The following EDIL3 variants were observed in gnomAD, a reference collection of about 807,000 sequenced individuals.
EDIL3 encodes the protein EGF like and discoidin domains 3, also known as EGF-like repeat and discoidin I-like domain-containing protein 3.
EDIL3 carries 37 observed loss-of-function variants against 67.4 expected under a neutral mutation model. That is an observed-to-expected ratio of 0.55 (90% confidence interval 0.42 to 0.72). EDIL3 has a LOEUF of 0.72. Among genes scored for constraint, EDIL3 ranks in the 30% least tolerant of loss-of-function variants. The pLI, the probability that EDIL3 is intolerant of heterozygous loss-of-function variation, is 0.00. For synonymous variants in EDIL3, 195 were observed against 196.3 expected (o/e 0.99, Z 0.05); for missense variants, 527 against 586.3 (o/e 0.90, Z 1.04).
intron 6 of EDIL3, among the ~76,000 whole-genome samples, chr5:84,092,860 A>C (rs542799199): frequency 7.2e-5 from 11 of 152,304 alleles, no homozygotes; most frequent in Non-Finnish European, 1.5e-4. Flanking sequence ...AAGTTTTACA[A>C]GGTTTAACTG....
At chr5:84,196,311 GC>G (rs1743701869) in intron 3 of EDIL3, among the ~76,000 whole-genome samples, 1 of 151,946 alleles carries the variant, frequency 6.6e-6, no homozygotes, top group East Asian at 1.9e-4. Flanking sequence ...TCCCTGAGAT[GC>G]TCTTCCTCTA....
At chr5:84,342,045 A>G (rs917788395) in intron 1 of EDIL3, among the ~76,000 whole-genome samples, 1 of 152,090 alleles carries the variant, frequency 6.6e-6, no homozygotes, top group African/African-American at 2.4e-5. Flanking sequence ...ATATTTAAAA[A>G]GACACCTACA....
rs115600754 is a variant in EDIL3 at position 84,024,589 on chromosome 5, G to A, written c.1137+35711C>T. On this transcript the variant is annotated intron_variant, in intron 9 of 10. Coordinates refer to ENST00000296591, the MANE Select transcript of EDIL3 (RefSeq NM_005711.5). ...AGGCAGCGTGGTAAAAGCTGGAGTA[G>A]GGAGAAAGGGCACTGACAAGGAATC... 7.3e-3 allele frequency among the ~76,000 whole-genome samples: 1,105 copies of A among 152,228 alleles called. 16 individuals carry two copies. The highest frequency in any genetic ancestry group is 0.026 in the African/African-American group (1,062 of 41,556).
chr5:84,083,466 AG>A (rs1747013968), intron 6 of EDIL3, among the ~76,000 whole-genome samples: 1 of 152,156 alleles, frequency 6.6e-6, no homozygotes, highest in Non-Finnish European at 1.5e-5. Flanking sequence ...GAACAATAAA[AG>A]TTTTGTTTCT....
At chr5:83,951,696 A>G (rs897457144) in intron 10 of EDIL3, among the ~76,000 whole-genome samples, 1 of 151,754 alleles carries the variant, frequency 6.6e-6, no homozygotes, top group African/African-American at 2.4e-5. Context: ...TCATTGGGAA[A>G]GAGAACTGTG....
intron 9 of EDIL3, among the ~76,000 whole-genome samples, chr5:84,058,661 T>C (rs141152991): frequency 1.1e-3 from 169 of 152,168 alleles, no homozygotes; most frequent in African/African-American, 3.9e-3. Context: ...GGAAAGGACA[T>C]TGGGAAACAT....
rs1383279719 is a variant in EDIL3, at chr5:84,053,854, T to C, written c.1137+6446A>G. 3.3e-5 allele frequency among the ~76,000 whole-genome samples: 5 copies of C among 152,130 alleles called. 1 individual carries two copies. The South Asian group carries it at 6.2e-4, about 19-fold the overall frequency. ...CAAAAAAAGTCCAGGACCAGATGGA[T>C]TCACAGCTGAATTCTACCAGAGGTA... is the stretch of plus-strand genomic sequence containing the variant. On this transcript the variant is annotated intron_variant, in intron 9 of 10. Coordinates refer to ENST00000296591, the MANE Select transcript of EDIL3 (RefSeq NM_005711.5).
At chr5:84,227,785 G>C (rs1744484144) in intron 3 of EDIL3, among the ~76,000 whole-genome samples, 1 of 152,092 alleles carries the variant, frequency 6.6e-6, no homozygotes. Context: ...AACATGGATG[G>C]AGCTGGAGGC....
At chr5:84,281,364 T>C (rs1346608207) in intron 1 of EDIL3, among the ~76,000 whole-genome samples, 1 of 152,160 alleles carries the variant, frequency 6.6e-6, no homozygotes, top group East Asian at 1.9e-4. Flanking sequence ...CCCAAACACA[T>C]TATTCATTTA....
chr5:84,258,670 A>G lies in EDIL3; in HGVS notation c.68-4458T>C, dbSNP rs544863236. ...TCACTCTCAAAACTGTCCTGATTTG[A>G]ATGAGTTATACGGTTACTTAGGTCA... On this transcript the variant is annotated intron_variant, in intron 1 of 10. Transcript: ENST00000296591. Among the ~76,000 whole-genome samples, 7 of 152,290 alleles carry G rather than the reference A, an allele frequency of 4.6e-5. 1 individual carries two copies. The South Asian group carries it at 1.4e-3, about 32-fold the overall frequency.
At chr5:84,267,284 G>A (rs947223009) in intron 1 of EDIL3, among the ~76,000 whole-genome samples, 1 of 152,072 alleles carries the variant, frequency 6.6e-6, no homozygotes, top group African/African-American at 2.4e-5. Context: ...TTGGCCTCTT[G>A]CATTAATCTT....
At position 84,349,213 on chromosome 5, in the gene EDIL3, C is replaced by T. The variant is rs548947089; in HGVS notation, c.67+35095G>A. 3.9e-5 allele frequency among the ~76,000 whole-genome samples: 6 copies of T among 152,280 alleles called. No individual in the cohort carries two copies. The East Asian group carries it at 9.6e-4, about 24-fold the overall frequency. On this transcript the variant is annotated intron_variant, in intron 1 of 10. Coordinates refer to ENST00000296591, the MANE Select transcript of EDIL3 (RefSeq NM_005711.5). ...AAGCAGGCTTCTTGAGGCAACAGTGCATCGGATTTTTCCGCAGGCTTGTGC... is the reference window on the plus strand; with the variant it reads ...AAGCAGGCTTCTTGAGGCAACAGTGTATCGGATTTTTCCGCAGGCTTGTGC...
chr5:84,086,061 A>C (rs1747063628), intron 6 of EDIL3, among the ~76,000 whole-genome samples: 1 of 152,176 alleles, frequency 6.6e-6, no homozygotes, highest in South Asian at 2.1e-4. Context: ...GCTGGCAGTG[A>C]GAATTTCAAG....
chr5:84,068,231 C>T (rs1377403559), intron 6 of EDIL3, among the ~76,000 whole-genome samples: 3 of 152,124 alleles, frequency 2.0e-5, no homozygotes, highest in African/African-American at 7.2e-5. Flanking sequence ...TTATGCATGA[C>T]ATTTTCTTTT....
At chr5:84,162,604 G>T (rs1023502102) in intron 4 of EDIL3, among the ~76,000 whole-genome samples, 20 of 151,942 alleles carry the variant, frequency 1.3e-4, no homozygotes, top group Non-Finnish European at 2.6e-4. Flanking sequence ...CTTCTTTTAT[G>T]GGCCTTTATG....
At chr5:84,169,096 T>C (rs917755232) in intron 4 of EDIL3, among the ~76,000 whole-genome samples, 4 of 151,964 alleles carry the variant, frequency 2.6e-5, no homozygotes, top group African/African-American at 9.7e-5. Flanking sequence ...TGTTACTTGG[T>C]AGGAGCAAGC....
intron 3 of EDIL3, among the ~76,000 whole-genome samples, chr5:84,192,728 C>T (rs1743618637): frequency 6.6e-6 from 1 of 151,978 alleles, no homozygotes; most frequent in South Asian, 2.1e-4. Flanking sequence ...AACAGGTGCA[C>T]CTTCTAATCT....
chr5:84,087,527 G>A (rs1249452313), intron 6 of EDIL3, among the ~76,000 whole-genome samples: 1 of 152,148 alleles, frequency 6.6e-6, no homozygotes, highest in Non-Finnish European at 1.5e-5. Flanking sequence ...TATATTTACT[G>A]AGCAAATAAA....
At chr5:84,093,896 G>A (rs916350518) in intron 6 of EDIL3, among the ~76,000 whole-genome samples, 2 of 152,090 alleles carry the variant, frequency 1.3e-5, no homozygotes, top group Non-Finnish European at 2.9e-5. Flanking sequence ...CCAACATCAT[G>A]ATCCACCTGC....
Sources: gnomAD v4.1 joint callset for allele counts (sites outside exome capture counted in the v4.1 genomes callset) on GRCh38, gnomAD v4.1.1 for gene constraint, MANE v1.5 for transcripts, NCBI Gene and HGNC (gene_info 2026-07-23, HGNC 2026-07-21) for gene names.